Variants in ATP6V1A observed in about 807,000 individuals in gnomAD.
ATP6V1A encodes V-type proton ATPase catalytic subunit A.
ATP6V1A carries 18 observed loss-of-function variants against 70.1 expected under a neutral mutation model. That is an observed-to-expected ratio of 0.26 (90% confidence interval 0.18 to 0.38). ATP6V1A has a LOEUF of 0.38. Among genes scored for constraint, ATP6V1A ranks in the 10% least tolerant of loss-of-function variants. ATP6V1A has a pLI of 1.00. For synonymous variants in ATP6V1A, 232 were observed against 253.8 expected, an observed-to-expected ratio of 0.91 and a Z score of 0.82; for missense variants, 424 against 772.4, an observed-to-expected ratio of 0.55 and a Z score of 5.35.
chr3:113,785,730 G>A lies in ATP6V1A; in HGVS notation c.565-502G>A, dbSNP rs143446555. ...TGTCACCAGGCTAGAGTGCAGTGGC[G>A]CGATCTCGGCTCACTGCATCCTCTG... On this transcript the variant is annotated intron_variant, in intron 5 of 14. Coordinates refer to ENST00000273398, the MANE Select transcript of ATP6V1A (RefSeq NM_001690.4). Among the ~76,000 whole-genome samples the A allele has an allele frequency of 8.7e-3, 1,310 of 150,302 alleles. 13 individuals carry two copies. The highest frequency in any genetic ancestry group is 0.028 in the African/African-American group (1,166 of 41,092).
At chr3:113,798,990 A>G (rs945680113) in intron 12 of ATP6V1A, among the ~76,000 whole-genome samples, 3 of 152,200 alleles carry the variant, frequency 2.0e-5, no homozygotes, top group Non-Finnish European at 4.4e-5. Flanking sequence ...ATTTATTCCA[A>G]AAAAGGTTAA....
At chr3:113,776,271 C>T (rs554550745) in intron 1 of ATP6V1A, among the ~76,000 whole-genome samples, 14 of 151,648 alleles carry the variant, frequency 9.2e-5, no homozygotes, top group Non-Finnish European at 1.6e-4. Flanking sequence ...GGGACGGGGG[C>T]GGCTGAGGTG....
intron 11 of ATP6V1A, among the ~76,000 whole-genome samples, chr3:113,796,284 A>G (rs1445248203): frequency 2.6e-5 from 4 of 152,200 alleles, no homozygotes; most frequent in Non-Finnish European, 4.4e-5. Flanking sequence ...CCCAGAAGTT[A>G]TTTCACTTCA....
chr3:113,794,566 C>T (rs1434395020), intron 8 of ATP6V1A, among the ~76,000 whole-genome samples: 1 of 152,172 alleles, frequency 6.6e-6, no homozygotes, highest in Non-Finnish European at 1.5e-5. Flanking sequence ...ACTGGGAGTT[C>T]TTTCCATTTC....
intron 1 of ATP6V1A, among the ~76,000 whole-genome samples, chr3:113,749,983 A>G (rs979953839): frequency 6.6e-6 from 1 of 152,208 alleles, no homozygotes; most frequent in Non-Finnish European, 1.5e-5. Context: ...TATCATCAAA[A>G]TATGGGAGAG....
chr3:113,790,302 C>CA (rs773821991), intron 8 of ATP6V1A, among the ~76,000 whole-genome samples: 2,698 of 24,178 alleles, frequency 0.11, 136 homozygotes, highest in African/African-American at 0.13. Flanking sequence ...GACTCTGTCT[C>CA]AAAAAAAAAA....
intron 4 of ATP6V1A, 70 bp downstream of exon 4, chr3:113,784,508 T>C: frequency 6.9e-7 from 1 of 1,454,092 alleles, no homozygotes; most frequent in South Asian, 1.3e-5. Flanking sequence ...GTAAACTACA[T>C]TGTACTCTTA....
At chr3:113,758,939 T>C (rs1332846616) in intron 1 of ATP6V1A, among the ~76,000 whole-genome samples, 1 of 152,228 alleles carries the variant, frequency 6.6e-6, no homozygotes, top group Non-Finnish European at 1.5e-5. Flanking sequence ...CTTAAGCATC[T>C]TTTCATGTAC....
intron 10 of ATP6V1A, 111 bp from the exon 11 acceptor site, chr3:113,795,765 T>G: frequency 1.2e-6 from 1 of 820,686 alleles, no homozygotes; most frequent in Admixed American, 3.2e-5. Flanking sequence ...TAAAAAGTTA[T>G]TTACATTAAA....
intron 8 of ATP6V1A, among the ~76,000 whole-genome samples, chr3:113,793,750 A>C (rs971665016): frequency 1.3e-5 from 2 of 152,166 alleles, no homozygotes; most frequent in African/African-American, 2.4e-5. Flanking sequence ...ATTCTGAAAG[A>C]TGCAATATGA....
At chr3:113,788,508 T>C (rs1438885426) in intron 6 of ATP6V1A, among the ~76,000 whole-genome samples, 1 of 148,636 alleles carries the variant, frequency 6.7e-6, no homozygotes, top group Non-Finnish European at 1.5e-5. Flanking sequence ...TAATTTTTCT[T>C]TTTTTTTTTG....
At chr3:113,773,086 C>T (rs550895023) in intron 1 of ATP6V1A, among the ~76,000 whole-genome samples, 3 of 151,634 alleles carry the variant, frequency 2.0e-5, no homozygotes, top group Admixed American at 2.0e-4. Context: ...TACAGGTGCG[C>T]GACACCACGC....
At chr3:113,763,956 G>A (rs918818827) in intron 1 of ATP6V1A, among the ~76,000 whole-genome samples, 6 of 152,218 alleles carry the variant, frequency 3.9e-5, no homozygotes, top group African/African-American at 1.4e-4. Context: ...TTGAATTAAA[G>A]TGGCAGGGTG....
chr3:113,809,559 T>C lies in ATP6V1A; in HGVS notation c.*132T>C, dbSNP rs535585056. On this transcript the variant is annotated 3_prime_UTR_variant, in exon 15 of 15. Coordinates refer to ENST00000273398, the MANE Select transcript of ATP6V1A (RefSeq NM_001690.4). Reference sequence around the variant, plus strand: ...TTGAGACTAGTGCCTATGTGTGTTATTTGTTTCCCTGTTTTTTTGGTAGGT... The same window carrying C: ...TTGAGACTAGTGCCTATGTGTGTTACTTGTTTCCCTGTTTTTTTGGTAGGT... 10 of 741,342 alleles carry C rather than the reference T, an allele frequency of 1.3e-5. No homozygotes were observed. In the East Asian group the frequency reaches 2.6e-4, roughly 19 times the overall value. 45.9% of individuals were successfully genotyped at this position (741,342 alleles called of 1,614,324 possible). A position where few individuals can be genotyped will look rare whatever the true frequency, so the allele number is the denominator to read the frequency against.
At chr3:113,752,683 G>C (rs1054756890) in intron 1 of ATP6V1A, among the ~76,000 whole-genome samples, 4 of 151,926 alleles carry the variant, frequency 2.6e-5, no homozygotes, top group Non-Finnish European at 5.9e-5. Flanking sequence ...ATTTTAAAAA[G>C]CAGAGTAAAT....
In ATP6V1A at chr3:113,795,342, A is replaced by G. The variant is rs568125657; in HGVS notation, c.1226+138A>G. 74 of 887,674 alleles carry G rather than the reference A, an allele frequency of 8.3e-5. No individual in the cohort carries two copies. The East Asian group carries it at 8.4e-4, about 10-fold the overall frequency. 55.0% of individuals were successfully genotyped at this position (887,674 alleles called of 1,614,324 possible). A position where few individuals can be genotyped will look rare whatever the true frequency, so the allele number is the denominator to read the frequency against. The stretch of plus-strand genomic sequence containing the variant: ...CGGTTCTTAAGGAGGGTTGCACTCC[A>G]GAGTCACCTAAGGAGCTCTTTGAAG... On this transcript the variant is annotated intron_variant, in intron 10 of 14. Transcript: ENST00000273398.
intron 8 of ATP6V1A, among the ~76,000 whole-genome samples, chr3:113,793,448 T>A (rs1325715255): frequency 6.6e-6 from 1 of 152,242 alleles, no homozygotes; most frequent in Non-Finnish European, 1.5e-5. Flanking sequence ...CTTGATTTTG[T>A]CTGAGGCATA....
intron 11 of ATP6V1A, among the ~76,000 whole-genome samples, 184 bp from the exon 12 acceptor site, chr3:113,798,059 T>C (rs1220124256): frequency 6.6e-6 from 1 of 151,922 alleles, no homozygotes; most frequent in Non-Finnish European, 1.5e-5. Flanking sequence ...TTTGAACCCA[T>C]GAGGTGGAGG....
At chr3:113,784,669 T>C (rs1243400858) in intron 4 of ATP6V1A, 27 bp from the exon 5 acceptor site, 2 of 1,607,420 alleles carry the variant, frequency 1.2e-6, no homozygotes, top group East Asian at 4.5e-5. Context: ...TATTTGCAAA[T>C]TAAACAGCAA....
Sources: gnomAD v4.1 joint callset for allele counts (sites outside exome capture counted in the v4.1 genomes callset) on GRCh38, gnomAD v4.1.1 for gene constraint, MANE v1.5 for transcripts, NCBI Gene and HGNC (gene_info 2026-07-23, HGNC 2026-07-21) for gene names.